Variants in APBA2 observed in about 807,000 individuals in gnomAD.
APBA2 encodes amyloid beta precursor protein binding family A member 2, also known as amyloid-beta A4 precursor protein-binding family A member 2.
A neutral mutation model predicts 75.0 loss-of-function variants in APBA2; 30 were observed. The observed-to-expected ratio is 0.40, with a 90% CI of 0.30 to 0.54. APBA2 has a LOEUF of 0.54. Ranked by LOEUF, APBA2 falls within the 20% of genes least tolerant of loss-of-function variation. The probability of loss-of-function intolerance (pLI) is 0.49; values close to 1 mark genes in which losing one functional copy is unlikely to be tolerated. For missense variants in APBA2, 801 were observed against 1,016.1 expected (o/e 0.79, Z 2.88); for synonymous variants, 444 against 409.6 (o/e 1.08, Z -1.01).
chr15:29,080,619 G>A (rs1177365246), intron 6 of APBA2, among the ~76,000 whole-genome samples: 1 of 152,178 alleles, frequency 6.6e-6, no homozygotes, highest in Admixed American at 6.5e-5. Flanking sequence ...CCTGTCCTGC[G>A]GGGAGGAATC....
chr15:29,015,961 A>G (rs1443395510), intron 3 of APBA2, among the ~76,000 whole-genome samples: 1 of 152,170 alleles, frequency 6.6e-6, no homozygotes. Context: ...CTGGGTTAAC[A>G]TATCTACTTA....
chr15:29,094,809 C>T (rs1325526447), intron 8 of APBA2, among the ~76,000 whole-genome samples: 2 of 152,066 alleles, frequency 1.3e-5, no homozygotes, highest in African/African-American at 2.4e-5. Context: ...CATGTAATCC[C>T]AGCACTTTGG....
At chr15:28,898,899 G>T (rs572854511) in intron 1 of APBA2, among the ~76,000 whole-genome samples, 2 of 152,204 alleles carry the variant, frequency 1.3e-5, no homozygotes, top group Admixed American at 1.3e-4. Flanking sequence ...TGAGATCAGG[G>T]TATGTAAACC....
At chr15:28,935,691 G>C (rs1026520018) in intron 2 of APBA2, among the ~76,000 whole-genome samples, 3 of 152,188 alleles carry the variant, frequency 2.0e-5, no homozygotes, top group African/African-American at 7.2e-5. Context: ...CAGATCCAAG[G>C]CCAGGTCTGC....
At chr15:29,018,043 G>A (rs147348070) in intron 3 of APBA2, among the ~76,000 whole-genome samples, 1 of 152,268 alleles carries the variant, frequency 6.6e-6, no homozygotes, top group Admixed American at 6.5e-5. Flanking sequence ...ATTGACTGGA[G>A]TGTCTGCAAC....
At chr15:28,936,495 G>A (rs1231588889) in intron 2 of APBA2, among the ~76,000 whole-genome samples, 1 of 151,892 alleles carries the variant, frequency 6.6e-6, no homozygotes, top group Non-Finnish European at 1.5e-5. Context: ...TCTGTGTTTC[G>A]GAGGCCAGCG....
At chr15:29,045,974 G>T (rs2041306949) in intron 3 of APBA2, among the ~76,000 whole-genome samples, 1 of 152,114 alleles carries the variant, frequency 6.6e-6, no homozygotes, top group South Asian at 2.1e-4. Context: ...TATAACAGTT[G>T]TATCCCTAGA....
At chr15:29,107,361 G>A (rs1461708869) in intron 12 of APBA2, among the ~76,000 whole-genome samples, 3 of 152,154 alleles carry the variant, frequency 2.0e-5, no homozygotes, top group Non-Finnish European at 4.4e-5. Flanking sequence ...GGCAGCTAGG[G>A]TGGGGGCCTT....
rs2041760349 is a variant in APBA2 at position 29,054,229 on chromosome 15, C to A, written c.345C>A (p.Asp115Glu). The change falls in exon 4 of 15, where the codon GAC becomes GAA. Residue 115 changes from aspartate (D) to glutamate (E), a missense_variant. This residue lies in a region of APBA2 where 434 missense variants were observed against 471.6 expected (regional missense o/e 0.92). Coordinates refer to ENST00000683413, the MANE Select transcript of APBA2 (RefSeq NM_001353788.2). This position sits in a 1 kb window ranked among gnomAD's most constrained non-coding sequence, Gnocchi z 6.1. ...PEDDSYLEGM[D>E]CNGEEYLAHS... Reference sequence around the variant, plus strand: ...ACGACAGCTACCTAGAGGGCATGGACTGCAACGGGGAGGAGTACCTGGCCC... The same window carrying A: ...ACGACAGCTACCTAGAGGGCATGGAATGCAACGGGGAGGAGTACCTGGCCC... The A allele has an allele frequency of 3.7e-6, 6 of 1,614,170 alleles. No individual in the cohort carries two copies. Among genetic ancestry groups the A allele is most frequent in the Middle Eastern group, 3.3e-4 (2 of 6,062 alleles).
chr15:28,937,442 C>G (rs995706648), intron 2 of APBA2, among the ~76,000 whole-genome samples: 1 of 152,108 alleles, frequency 6.6e-6, no homozygotes, highest in African/African-American at 2.4e-5. Context: ...CTCTGAACAT[C>G]GCTGGCAGGT....
chr15:28,889,703 C>G (rs2032003455), intron 1 of APBA2, among the ~76,000 whole-genome samples: 2 of 152,232 alleles, frequency 1.3e-5, no homozygotes, highest in Admixed American at 1.3e-4. Context: ...ATTTGTCAGG[C>G]CACTCTTGCC....
At chr15:29,060,831 C>G (rs950492137) in intron 4 of APBA2, among the ~76,000 whole-genome samples, 14 of 152,010 alleles carry the variant, frequency 9.2e-5, no homozygotes, top group Non-Finnish European at 1.5e-4. Context: ...GAGTTGGGTC[C>G]AGCAAGGCTC....
chr15:29,049,554 G>T (rs1247919128), intron 3 of APBA2, among the ~76,000 whole-genome samples: 2 of 152,136 alleles, frequency 1.3e-5, no homozygotes, highest in African/African-American at 4.8e-5. Context: ...AGCAGATCTG[G>T]CTGAGGACAG....
At chr15:29,003,519 G>A (rs1235085016) in intron 3 of APBA2, among the ~76,000 whole-genome samples, 8 of 152,190 alleles carry the variant, frequency 5.3e-5, no homozygotes, top group Non-Finnish European at 2.9e-5. Context: ...ATCAACCTGC[G>A]GAGTCTCTAT....
At chr15:28,998,445 G>A (rs542112636) in intron 3 of APBA2, among the ~76,000 whole-genome samples, 29 of 152,148 alleles carry the variant, frequency 1.9e-4, no homozygotes, top group Admixed American at 4.6e-4. Context: ...ATGTACCCCC[G>A]TATGGATGCA....
Position 28,931,475 on chromosome 15 carries a change from G to A in APBA2, c.-95+9726G>A, listed in dbSNP as rs186504354. Among the ~76,000 whole-genome samples, 548 of 152,302 alleles carry A rather than the reference G, an allele frequency of 3.6e-3. 1 individual carries two copies. Among genetic ancestry groups the A allele is most frequent in the Non-Finnish European group, 5.5e-3 (374 of 68,026 alleles). On this transcript the variant is annotated intron_variant, in intron 2 of 14. Coordinates refer to ENST00000683413, the MANE Select transcript of APBA2 (RefSeq NM_001353788.2). ...AGTGGGACTGATGAGGGATGACCTTGCGTCCTTCTCCCCTGTTCACTGGGA... is the reference window on the plus strand; with the variant it reads ...AGTGGGACTGATGAGGGATGACCTTACGTCCTTCTCCCCTGTTCACTGGGA...
At chr15:28,961,833 C>T (rs562793354) in intron 2 of APBA2, among the ~76,000 whole-genome samples, 3 of 152,228 alleles carry the variant, frequency 2.0e-5, no homozygotes, top group Non-Finnish European at 2.9e-5. Context: ...AGATCCCGGA[C>T]GTTAGTATTT....
Position 29,106,741 on chromosome 15 carries a change from C to T in APBA2, c.1839C>T (p.Ser613=). ...CGGCTGCCCGCTCGGGGAAGCTGAG[C>T]ATCGGGGACCAGATCATGTCCATCA... ...GGPAARSGKL[S]IGDQIMSING... Residue 613 remains serine, a synonymous_variant, in exon 12 of 15, where the codon AGC becomes AGT. Transcript: ENST00000683413. 3.1e-6 allele frequency: 5 copies of T among 1,613,064 alleles called. No homozygotes were observed. Among genetic ancestry groups the T allele is most frequent in the Non-Finnish European group, 4.2e-6 (5 of 1,180,006 alleles).
chr15:28,974,279 A>G (rs931518482), intron 2 of APBA2, among the ~76,000 whole-genome samples: 1 of 152,198 alleles, frequency 6.6e-6, no homozygotes, highest in African/African-American at 2.4e-5. Context: ...ATTTGCAGAG[A>G]AGATACACTA....
Sources: gnomAD v4.1 joint callset for allele counts (sites outside exome capture counted in the v4.1 genomes callset) on GRCh38, gnomAD v4.1.1 for gene constraint, gnomAD v4.1.1 regional missense constraint, Gnocchi (gnomAD v3.1) non-coding constraint, MANE v1.5 for transcripts, NCBI Gene and HGNC (gene_info 2026-07-23, HGNC 2026-07-21) for gene names.